The following LRRFIP2 variants were observed in gnomAD, a reference collection of about 807,000 sequenced individuals.
LRRFIP2 encodes the protein LRR binding FLII interacting protein 2.
LRRFIP2 carries 109 observed loss-of-function variants against 125.9 expected under a neutral mutation model. The observed-to-expected ratio is 0.87, with a 90% CI of 0.74 to 1.01. The LOEUF (loss-of-function observed/expected upper bound fraction) is 1.01. Among genes scored for constraint, LRRFIP2 ranks in the 50% least tolerant of loss-of-function variants. The pLI is 0.00. For missense variants in LRRFIP2, 850 were observed against 862.3 expected (o/e 0.99, Z 0.18); for synonymous variants, 291 against 293.1 (o/e 0.99, Z 0.07).
At chr3:37,063,573 A>G (rs538046308) in intron 24 of LRRFIP2, among the ~76,000 whole-genome samples, 169 bp downstream of exon 24, 1 of 152,368 alleles carries the variant, frequency 6.6e-6, no homozygotes, top group East Asian at 1.9e-4. Flanking sequence ...AAATGTTTTA[A>G]GAACAGAAAA....
chr3:37,172,714 G>A (rs2096602474), intron 1 of LRRFIP2: 1 of 152,032 alleles, frequency 6.6e-6, no homozygotes, highest in Admixed American at 6.5e-5. Context: ...CCTATGAAGT[G>A]GAATTATCTC....
intron 15 of LRRFIP2, among the ~76,000 whole-genome samples, chr3:37,098,041 C>G (rs2093811566): frequency 6.6e-5 from 10 of 152,126 alleles, no homozygotes. Context: ...AACACTTCAC[C>G]CTAACTTCCA....
chr3:37,116,963 T>C (rs551288095), intron 6 of LRRFIP2, among the ~76,000 whole-genome samples: 2 of 152,122 alleles, frequency 1.3e-5, no homozygotes, highest in Non-Finnish European at 2.9e-5. Flanking sequence ...TATTATTGCA[T>C]GTGTAACAAA....
intron 1 of LRRFIP2, chr3:37,170,513 GGAA>G (rs2096570729): frequency 6.6e-6 from 1 of 152,116 alleles, no homozygotes; most frequent in South Asian, 2.1e-4. Flanking sequence ...TGAGAATTTG[GGAA>G]GAAGCTAATT....
Position 37,108,100 on chromosome 3 carries a change from T to G in LRRFIP2, c.687A>C (p.Arg229Ser), listed in dbSNP as rs1576710527. 6.2e-7 allele frequency: 1 copy of G among 1,613,938 alleles called. No individual in the cohort carries two copies. Among genetic ancestry groups the G allele is most frequent in the African/African-American group, 1.3e-5 (1 of 75,040 alleles). The change falls in exon 13 of 28, where the codon AGA becomes AGC. Residue 229 changes from arginine (R) to serine (S), a missense_variant. By Grantham distance (110) the Arg-to-Ser change is moderately radical (BLOSUM62 -1). Coordinates refer to ENST00000336686, the MANE Select transcript of LRRFIP2 (RefSeq NM_006309.4). ...CTGGACTGCTTCGGGCTGAACTTAT[T>G]CTTGATGAATAATAACTGCATTCAG... ...TPSECSYYSS[R>S]ISSARSSPGF... is the part of the protein sequence containing the mutation.
At chr3:37,071,038 C>A (rs1449828337) in intron 21 of LRRFIP2, among the ~76,000 whole-genome samples, 1 of 152,174 alleles carries the variant, frequency 6.6e-6, no homozygotes, top group Non-Finnish European at 1.5e-5. Flanking sequence ...AATGGTTCAA[C>A]AATCAAATTT....
chr3:37,101,124 G>C (rs959205198), intron 15 of LRRFIP2, among the ~76,000 whole-genome samples: 2 of 152,156 alleles, frequency 1.3e-5, no homozygotes, highest in Admixed American at 1.3e-4. Context: ...TTGGGAGGCT[G>C]AGGTGGGTGG....
chr3:37,072,710 G>A, intron 21 of LRRFIP2, 80 bp downstream of exon 21: 1 of 825,428 alleles, frequency 1.2e-6, no homozygotes, highest in Admixed American at 2.2e-5. Context: ...CAAAAGGACA[G>A]GTTTTTTCAA....
chr3:37,078,693 T>C (rs2092355908), intron 19 of LRRFIP2, among the ~76,000 whole-genome samples: 3 of 152,156 alleles, frequency 2.0e-5, no homozygotes, highest in Admixed American at 2.0e-4. Context: ...TTGGTGGCAA[T>C]GAGCATCTCT....
intron 21 of LRRFIP2, chr3:37,067,391 T>C (rs1265136555): frequency 6.6e-6 from 1 of 152,228 alleles, no homozygotes; most frequent in East Asian, 1.9e-4. Context: ...AAGTAGTCTA[T>C]GCAGGAATCT....
chr3:37,058,927 G>T lies in LRRFIP2; in HGVS notation c.1750-17C>A. Reference sequence around the variant, plus strand: ...TTTTCTAATCTGAAATGAAAATAAAGGTTCATCAGCAAGATCCAATCTCTC... The same window carrying T: ...TTTTCTAATCTGAAATGAAAATAAATGTTCATCAGCAAGATCCAATCTCTC... On this transcript the variant is annotated splice_polypyrimidine_tract_variant and intron_variant, in intron 24 of 27. Coordinates refer to ENST00000336686, the MANE Select transcript of LRRFIP2 (RefSeq NM_006309.4). 3 of 1,612,958 alleles carry T rather than the reference G, an allele frequency of 1.9e-6. No homozygotes were observed. The highest frequency in any genetic ancestry group is 2.5e-6 in the Non-Finnish European group (3 of 1,179,738).
intron 2 of LRRFIP2, among the ~76,000 whole-genome samples, chr3:37,131,005 T>G (rs1288019659): frequency 2.0e-5 from 3 of 152,204 alleles, no homozygotes; most frequent in East Asian, 1.9e-4. Context: ...ACAGCCACAG[T>G]GCATGATAGT....
chr3:37,088,036 G>T (rs977771024), intron 18 of LRRFIP2, among the ~76,000 whole-genome samples: 2 of 152,210 alleles, frequency 1.3e-5, no homozygotes, highest in African/African-American at 4.8e-5. Flanking sequence ...CTAGCAATCT[G>T]TATTTATTAA....
chr3:37,155,901 C>G (rs1290278161), intron 1 of LRRFIP2, among the ~76,000 whole-genome samples: 1 of 152,050 alleles, frequency 6.6e-6, no homozygotes, highest in Admixed American at 6.5e-5. Context: ...GAGACAGGGT[C>G]TCCCACTCTG....
rs751278249 is a variant in LRRFIP2 at position 37,054,433 on chromosome 3, T to G, written c.2033A>C (p.Glu678Ala). Residue 678 changes from glutamate (E) to alanine (A), a missense_variant, in exon 27 of 28, where the codon GAA becomes GCA. Physicochemically the swap from Glu to Ala is moderately radical, Grantham distance 107 (BLOSUM62 -1). Transcript: ENST00000336686. ...AEKVEDELKA[E>A]KRKLQRELRT... Reference sequence around the variant, plus strand: ...TACCTCTCGTTGTAGCTTCCGTTTTTCTGCTTTCAATTCATCTTCAACTTT... The same window carrying G: ...TACCTCTCGTTGTAGCTTCCGTTTTGCTGCTTTCAATTCATCTTCAACTTT... The G allele has an allele frequency of 2.5e-6, 4 of 1,613,896 alleles. No individual in the cohort carries two copies. In the South Asian group the frequency reaches 4.4e-5, roughly 18 times the overall value.
At chr3:37,148,376 A>G (rs1560072132) in intron 2 of LRRFIP2, among the ~76,000 whole-genome samples, 2 of 152,338 alleles carry the variant, frequency 1.3e-5, no homozygotes, top group African/African-American at 4.8e-5. Flanking sequence ...GCACCTGCCC[A>G]GGGATTATCT....
chr3:37,097,196 C>CA (rs567057697), intron 15 of LRRFIP2, among the ~76,000 whole-genome samples: 287 of 120,484 alleles, frequency 2.4e-3, no homozygotes, highest in East Asian at 0.013. Context: ...TGCACATGAC[C>CA]AAAAAAAAAA....
At chr3:37,144,107 C>A in intron 2 of LRRFIP2, 1 of 152,990 alleles carries the variant, frequency 6.5e-6, no homozygotes, top group South Asian at 1.9e-4. Flanking sequence ...CGCCCAACAC[C>A]ATGCCTGGCC....
intron 1 of LRRFIP2, among the ~76,000 whole-genome samples, chr3:37,173,320 A>G (rs560361952): frequency 5.4e-4 from 82 of 152,170 alleles, no homozygotes; most frequent in Non-Finnish European, 8.7e-4. Flanking sequence ...TTCCCATCTC[A>G]GCCTCACAAG....
Sources: gnomAD v4.1 joint callset for allele counts (sites outside exome capture counted in the v4.1 genomes callset) on GRCh38, gnomAD v4.1.1 for gene constraint, MANE v1.5 for transcripts, NCBI Gene and HGNC (gene_info 2026-07-23, HGNC 2026-07-21) for gene names.